Variants in FAM117B observed in about 807,000 individuals in gnomAD.
FAM117B encodes family with sequence similarity 117 member B, also known as protein FAM117B.
FAM117B carries 22 observed loss-of-function variants against 52.8 expected under a neutral mutation model. That is an observed-to-expected ratio of 0.42 (90% CI 0.30 to 0.59). The LOEUF (loss-of-function observed/expected upper bound fraction) is 0.59, where lower values mean the gene tolerates loss of function less well. Among genes scored for constraint, FAM117B ranks in the 20% least tolerant of loss-of-function variants. The pLI, the probability that FAM117B is intolerant of heterozygous loss-of-function variation, is 0.22. For missense variants in FAM117B, 678 were observed against 802.6 expected, an observed-to-expected ratio of 0.84 and a Z score of 1.88; for synonymous variants, 309 against 324.1, an observed-to-expected ratio of 0.95 and a Z score of 0.50.
intron 1 of FAM117B, among the ~76,000 whole-genome samples, chr2:202,664,076 AT>A (rs1216092670): frequency 1.3e-5 from 2 of 152,246 alleles, no homozygotes; most frequent in African/African-American, 2.4e-5. Flanking sequence ...CTAGAAAACT[AT>A]TTTTATATGC....
intron 2 of FAM117B, among the ~76,000 whole-genome samples, chr2:202,721,065 G>A (rs1691144268): frequency 6.6e-6 from 1 of 152,136 alleles, no homozygotes; most frequent in African/African-American, 2.4e-5. Context: ...ATATTAAGGA[G>A]TTTTCCTAAA....
At chr2:202,713,711 C>G (rs1690991845) in intron 2 of FAM117B, among the ~76,000 whole-genome samples, 1 of 151,934 alleles carries the variant, frequency 6.6e-6, no homozygotes, top group African/African-American at 2.4e-5. Flanking sequence ...TGTTGTGTTT[C>G]CATTATTTTT....
Position 202,726,339 on chromosome 2 carries a change from C to T in FAM117B, c.936C>T (p.Asn312=). The T allele has an allele frequency of 6.2e-7, 1 of 1,613,224 alleles. No homozygotes were observed. The highest frequency in any genetic ancestry group is 8.5e-7 in the Non-Finnish European group (1 of 1,179,630). ...AAAGACAGTCTCCATTTCATGGCAA[C>T]CATGCAGCTATTAACCAGTGTCAGG... ...DKERQSPFHG[N]HAAINQCQAP... Residue 312 remains asparagine (N), a synonymous_variant, in exon 4 of 8, where the codon AAC becomes AAT. Transcript: ENST00000392238.
chr2:202,679,530 T>G (rs1690431411), intron 1 of FAM117B, among the ~76,000 whole-genome samples: 1 of 152,220 alleles, frequency 6.6e-6, no homozygotes, highest in African/African-American at 2.4e-5. Context: ...AGCTCTATGT[T>G]AAGTAATTCC....
intron 2 of FAM117B, among the ~76,000 whole-genome samples, chr2:202,724,008 C>T (rs1409152464): frequency 6.8e-6 from 1 of 147,834 alleles, no homozygotes; most frequent in Non-Finnish European, 1.5e-5. Flanking sequence ...TTTCCCAATA[C>T]ACTTTTTAAA....
intron 1 of FAM117B, among the ~76,000 whole-genome samples, chr2:202,637,526 G>A (rs1219283321): frequency 1.3e-5 from 2 of 152,190 alleles, no homozygotes; most frequent in Non-Finnish European, 2.9e-5. Flanking sequence ...CAAAGTGCTA[G>A]GATTGCCCAG....
At chr2:202,703,791 A>T (rs1487014330) in intron 2 of FAM117B, among the ~76,000 whole-genome samples, 1 of 152,212 alleles carries the variant, frequency 6.6e-6, no homozygotes, top group African/African-American at 2.4e-5. Flanking sequence ...ACATGCAAGT[A>T]TCTGTGTGAA....
chr2:202,761,890 T>A lies in FAM117B; in HGVS notation c.1451+2537T>A, dbSNP rs118185455. Among the ~76,000 whole-genome samples the A allele has an allele frequency of 3.9e-3, 587 of 152,124 alleles. 8 individuals carry two copies. In the East Asian group the frequency reaches 0.041, roughly 11 times the overall value. ...AGGTAAACCTATTCTTTTTTTTTTT[T>A]AATGTAATGTTTATTATACGTTTTA... On this transcript the variant is annotated intron_variant, in intron 7 of 7. Transcript: ENST00000392238.
chr2:202,761,786 C>T (rs998491183), intron 7 of FAM117B, among the ~76,000 whole-genome samples: 1 of 152,080 alleles, frequency 6.6e-6, no homozygotes. Flanking sequence ...CTCTGCCTCC[C>T]AAAGTGCTGG....
chr2:202,640,895 G>C (rs1389888917), intron 1 of FAM117B, among the ~76,000 whole-genome samples: 1 of 152,146 alleles, frequency 6.6e-6, no homozygotes, highest in Non-Finnish European at 1.5e-5. Flanking sequence ...AGAGGCACGA[G>C]TCACCCACAC....
At chr2:202,643,039 A>G (rs1689794193) in intron 1 of FAM117B, among the ~76,000 whole-genome samples, 1 of 152,178 alleles carries the variant, frequency 6.6e-6, no homozygotes, top group South Asian at 2.1e-4. Context: ...TGGCATGTAG[A>G]TTAGTCAATG....
intron 4 of FAM117B, among the ~76,000 whole-genome samples, chr2:202,735,880 C>T (rs1303766278): frequency 1.3e-5 from 2 of 152,050 alleles, no homozygotes; most frequent in South Asian, 2.1e-4. Flanking sequence ...GTGTGCTGCA[C>T]CCATTAACTC....
chr2:202,736,761 T>C (rs1691444556), intron 4 of FAM117B, among the ~76,000 whole-genome samples: 1 of 152,106 alleles, frequency 6.6e-6, no homozygotes, highest in South Asian at 2.1e-4. Context: ...AGACCCTGCT[T>C]TAGTCCATCA....
rs948502887 is a variant in FAM117B at position 202,768,789 on chromosome 2, T to C, written c.*3025T>C. 6 of 152,218 alleles carry C rather than the reference T, an allele frequency of 3.9e-5. No individual in the cohort carries two copies. The highest frequency in any genetic ancestry group is 7.4e-5 in the Non-Finnish European group (5 of 68,018). The allele number at this position is 152,218 out of a possible 1,614,324, so 9.4% of individuals were successfully genotyped here. On this transcript the variant is annotated 3_prime_UTR_variant, in exon 8 of 8. Transcript: ENST00000392238. ...GAATATAATTTAAATTTTTTTAATTTTATAAAAATTTATTTCCATTGCATT... is the reference window on the plus strand; with the variant it reads ...GAATATAATTTAAATTTTTTTAATTCTATAAAAATTTATTTCCATTGCATT...
intron 1 of FAM117B, among the ~76,000 whole-genome samples, chr2:202,658,332 C>T (rs1690080772): frequency 6.6e-6 from 1 of 152,094 alleles, no homozygotes; most frequent in Admixed American, 6.5e-5. Context: ...GAGACAGAAT[C>T]TCACTCTGTC....
intron 2 of FAM117B, among the ~76,000 whole-genome samples, chr2:202,701,297 A>G (rs1028030077): frequency 1.3e-5 from 2 of 152,166 alleles, no homozygotes; most frequent in East Asian, 3.8e-4. Flanking sequence ...CACCATTGAG[A>G]CCTACTGTTC....
chr2:202,754,927 G>C (rs1347454035), intron 4 of FAM117B, among the ~76,000 whole-genome samples: 1 of 144,524 alleles, frequency 6.9e-6, no homozygotes, highest in Non-Finnish European at 1.5e-5. Flanking sequence ...TTGACTAACA[G>C]TTCTGCAGGC....
Position 202,635,538 on chromosome 2 carries a change from G to C in FAM117B, c.351G>C (p.Ala117=). ...TGGCCACGCAGACGGGCGCGTCCGC[G>C]ACGTCCACGCGAGGCACCAGCCCCA... is the stretch of plus-strand genomic sequence containing the variant. The part of the protein sequence containing the change: ...PTVATQTGAS[A]TSTRGTSPTR... Residue 117 remains alanine, a synonymous_variant, in exon 1 of 8, where the codon GCG becomes GCC. Coordinates refer to ENST00000392238, the MANE Select transcript of FAM117B (RefSeq NM_173511.4). 8.6e-7 allele frequency: 1 copy of C among 1,165,394 alleles called. No homozygotes were observed. Among genetic ancestry groups the C allele is most frequent in the African/African-American group, 1.6e-5 (1 of 61,250 alleles). The allele number at this position is 1,165,394 out of a possible 1,614,324, so 72.2% of individuals were successfully genotyped here. A position where few individuals can be genotyped will look rare whatever the true frequency, so the allele number is the denominator to read the frequency against.
chr2:202,664,447 G>A (rs182588986), intron 1 of FAM117B, among the ~76,000 whole-genome samples: 129 of 152,330 alleles, frequency 8.5e-4, no homozygotes, highest in African/African-American at 2.8e-3. Flanking sequence ...GGCACAAGAC[G>A]AGAATGAGAC....
Sources: allele counts gnomAD v4.1 joint callset (sites outside exome capture counted in the v4.1 genomes callset), GRCh38; gene constraint gnomAD v4.1.1; transcripts MANE v1.5; gene names NCBI Gene and HGNC (gene_info 2026-07-23, HGNC 2026-07-21).